GAS7: variants seen among roughly 807,000 people sequenced by gnomAD.
GAS7 encodes the protein growth arrest specific 7, also known as growth arrest-specific protein 7.
A neutral mutation model predicts 71.1 loss-of-function variants in GAS7; 28 were observed. The ratio of observed to expected loss-of-function variants is 0.39; its 90% CI spans 0.29 to 0.54. GAS7 has a LOEUF of 0.54. Ranked by LOEUF, GAS7 falls within the 20% of genes least tolerant of loss-of-function variation. The probability of loss-of-function intolerance (pLI) is 0.62; values close to 1 mark genes in which losing one functional copy is unlikely to be tolerated. For synonymous variants in GAS7, 258 were observed against 245.8 expected, an observed-to-expected ratio of 1.05 and a Z score of -0.46; for missense variants, 436 against 627.8, an observed-to-expected ratio of 0.69 and a Z score of 3.27.
chr17:10,027,461 G>A (rs368226830), intron 1 of GAS7, among the ~76,000 whole-genome samples: 20 of 152,194 alleles, frequency 1.3e-4, no homozygotes, highest in African/African-American at 1.2e-4. Context: ...AAACTCAGGC[G>A]TTGGCAACAT....
intron 1 of GAS7, among the ~76,000 whole-genome samples, chr17:10,121,302 A>G (rs1288669306): frequency 6.6e-6 from 1 of 151,940 alleles, no homozygotes; most frequent in Non-Finnish European, 1.5e-5. Context: ...AATCGCTTGA[A>G]CCCGGGAGGC....
chr17:10,151,855 G>A (rs2074169012), intron 1 of GAS7, among the ~76,000 whole-genome samples: 1 of 152,124 alleles, frequency 6.6e-6, no homozygotes. Flanking sequence ...CCTAAATAAA[G>A]TTTTCCAGTT....
intron 1 of GAS7, among the ~76,000 whole-genome samples, chr17:10,114,065 C>T (rs1262444609): frequency 1.3e-5 from 2 of 152,116 alleles, no homozygotes; most frequent in African/African-American, 2.4e-5. Flanking sequence ...CAGGCATGCA[C>T]CACCACGCCT....
intron 1 of GAS7, among the ~76,000 whole-genome samples, chr17:10,166,838 AC>A (rs2074297475): frequency 6.6e-6 from 1 of 152,150 alleles, no homozygotes; most frequent in Non-Finnish European, 1.5e-5. Context: ...TAAAGCCAGG[AC>A]CTACGTTTCC....
At chr17:9,952,010 G>A (rs78563778) in intron 5 of GAS7, among the ~76,000 whole-genome samples, 5,745 of 152,154 alleles carry the variant, frequency 0.038, 280 homozygotes, top group African/African-American at 0.095. Flanking sequence ...GATGCATCCT[G>A]GCTGGCTCCA....
intron 1 of GAS7, among the ~76,000 whole-genome samples, chr17:10,123,918 C>T (rs1384690793): frequency 2.6e-5 from 4 of 152,188 alleles, no homozygotes; most frequent in South Asian, 2.1e-4. Flanking sequence ...ACCCAGTGTC[C>T]GGGCCACACA....
At chr17:10,141,766 A>G (rs7220234) in intron 1 of GAS7, among the ~76,000 whole-genome samples, 138,118 of 152,116 alleles carry the variant, frequency 0.91, 62,762 homozygotes, top group East Asian at 1. Context: ...GATAGATACC[A>G]TACAATGCAA....
rs147042222 is a variant in GAS7, at chr17:10,050,957, A to G, written c.184-31060T>C. 1.9e-3 allele frequency among the ~76,000 whole-genome samples: 296 copies of G among 152,252 alleles called. 1 individual carries two copies. Among genetic ancestry groups the G allele is most frequent in the African/African-American group, 6.9e-3 (287 of 41,556 alleles). On this transcript the variant is annotated intron_variant, in intron 1 of 13. Coordinates refer to ENST00000432992, the MANE Select transcript of GAS7 (RefSeq NM_201433.2). ...GGGGTGTGGGTGGGGCTAAGAACAG[A>G]AGATAGATGCCCTGCAAACCACTCA...
intron 1 of GAS7, among the ~76,000 whole-genome samples, chr17:10,189,880 A>C (rs2074484508): frequency 6.6e-6 from 1 of 151,460 alleles, no homozygotes; most frequent in South Asian, 2.1e-4. Context: ...TAGAGGCTGC[A>C]GTGAGCCGAG....
chr17:9,911,810 A>G lies in GAS7; in HGVS notation c.*5418T>C. 4.3e-6 allele frequency: 1 copy of G among 231,882 alleles called. No individual in the cohort carries two copies. Among genetic ancestry groups the G allele is most frequent in the African/African-American group, 2.2e-5 (1 of 45,330 alleles). The allele number at this position is 231,882 out of a possible 1,614,324, so 14.4% of individuals were successfully genotyped here. On this transcript the variant is annotated 3_prime_UTR_variant, in exon 14 of 14. Coordinates refer to ENST00000432992, the MANE Select transcript of GAS7 (RefSeq NM_201433.2). The surrounding 1 kb of genome is among the most constrained non-coding windows in gnomAD (Gnocchi z 4.0). ...CCAGAAATGTCTCTGGTTCGCATAG[A>G]GAGGTACCCAACTGGTCTCGGGACT...
intron 1 of GAS7, among the ~76,000 whole-genome samples, chr17:10,049,372 G>A (rs932458435): frequency 2.6e-5 from 4 of 151,996 alleles, no homozygotes; most frequent in Non-Finnish European, 5.9e-5. Context: ...CCCTCTAAAA[G>A]CTGTCCCTGC....
chr17:10,074,680 C>T (rs965642560), intron 1 of GAS7, among the ~76,000 whole-genome samples: 7 of 152,146 alleles, frequency 4.6e-5, no homozygotes, highest in Admixed American at 2.0e-4. Flanking sequence ...CTGTACCTGT[C>T]GGTGTGGTTT....
intron 1 of GAS7, among the ~76,000 whole-genome samples, chr17:10,116,853 C>CA (rs1189541110): frequency 1.3e-5 from 2 of 151,254 alleles, no homozygotes; most frequent in East Asian, 3.9e-4. Context: ...ACAGACAGGT[C>CA]AATGATCCAG....
At chr17:9,971,252 T>A (rs967311176) in intron 3 of GAS7, among the ~76,000 whole-genome samples, 13 of 150,906 alleles carry the variant, frequency 8.6e-5, no homozygotes, top group African/African-American at 2.9e-4. Flanking sequence ...ATAGAAAAAA[T>A]TTAAAAAAAA....
At chr17:9,992,288 C>T (rs9911388) in intron 2 of GAS7, among the ~76,000 whole-genome samples, 475 of 152,056 alleles carry the variant, frequency 3.1e-3, no homozygotes, top group African/African-American at 0.011. Flanking sequence ...CTAAGAGCCG[C>T]GGCTTTGACA....
At chr17:9,956,831 T>C (rs1453951908) in intron 5 of GAS7, among the ~76,000 whole-genome samples, 1 of 152,192 alleles carries the variant, frequency 6.6e-6, no homozygotes, top group Non-Finnish European at 1.5e-5. Context: ...AAAAGGAAGT[T>C]CACGCCCCAG....
intron 1 of GAS7, among the ~76,000 whole-genome samples, chr17:10,162,048 C>A (rs2074260587): frequency 8.1e-6 from 1 of 122,998 alleles, no homozygotes; most frequent in South Asian, 2.6e-4. Flanking sequence ...GCCTGGGCGA[C>A]AGAGCAAGAC....
At chr17:10,110,127 G>C (rs952750491) in intron 1 of GAS7, among the ~76,000 whole-genome samples, 1 of 150,810 alleles carries the variant, frequency 6.6e-6, no homozygotes, top group African/African-American at 2.4e-5. Flanking sequence ...ATTCACAATA[G>C]CAAAATTATG....
In GAS7 at chr17:9,917,221, G is replaced by C; in HGVS notation, c.*7C>G. 1 of 1,517,934 alleles carries C rather than the reference G, an allele frequency of 6.6e-7. No individual in the cohort carries two copies. Among genetic ancestry groups the C allele is most frequent in the Non-Finnish European group, 9.2e-7 (1 of 1,092,164 alleles). 94.0% of individuals were successfully genotyped at this position (1,517,934 alleles called of 1,614,324 possible). ...CAGCAGGACCCCCCGAAGCTGCACA[G>C]GCCCATCTAGATCTCCATGTCCACA... On this transcript the variant is annotated 3_prime_UTR_variant, in exon 14 of 14. Coordinates refer to ENST00000432992, the MANE Select transcript of GAS7 (RefSeq NM_201433.2).
Sources: gnomAD v4.1 joint callset for allele counts (sites outside exome capture counted in the v4.1 genomes callset) on GRCh38, gnomAD v4.1.1 for gene constraint, Gnocchi (gnomAD v3.1) non-coding constraint, MANE v1.5 for transcripts, NCBI Gene and HGNC (gene_info 2026-07-23, HGNC 2026-07-21) for gene names.